The following SCN11A variants were observed in gnomAD, a reference collection of about 807,000 sequenced individuals.
SCN11A encodes sodium channel protein type 11 subunit alpha.
A neutral mutation model predicts 162.2 loss-of-function variants in SCN11A; 122 were observed. That is an observed-to-expected ratio of 0.75 (90% CI 0.65 to 0.87). SCN11A has a LOEUF of 0.87. Among genes scored for constraint, SCN11A ranks in the 40% least tolerant of loss-of-function variants. SCN11A has a pLI of 0.00. For missense variants in SCN11A, 2,015 were observed against 2,181.6 expected (o/e 0.92, Z 1.52); for synonymous variants, 758 against 751.5 (o/e 1.01, Z -0.14).
At chr3:39,050,458 A>G (rs2032310312) in intron 1 of SCN11A, among the ~76,000 whole-genome samples, 1 of 152,234 alleles carries the variant, frequency 6.6e-6, no homozygotes, top group Non-Finnish European at 1.5e-5. Context: ...TTGTTAAATG[A>G]ATGAATACAT....
chr3:38,893,131 T>C (rs572732476), intron 19 of SCN11A, among the ~76,000 whole-genome samples: 1 of 152,026 alleles, frequency 6.6e-6, no homozygotes, highest in Non-Finnish European at 1.5e-5. Flanking sequence ...CATTTTGGGT[T>C]CAAAGATATA....
At chr3:38,922,606 G>A (rs2066071249) in intron 9 of SCN11A, among the ~76,000 whole-genome samples, 1 of 152,062 alleles carries the variant, frequency 6.6e-6, no homozygotes, top group Non-Finnish European at 1.5e-5. Context: ...AAAATAAAAG[G>A]GGCTCAGCTC....
At chr3:38,893,271 G>A (rs74777140) in intron 19 of SCN11A, among the ~76,000 whole-genome samples, 1 of 151,660 alleles carries the variant, frequency 6.6e-6, no homozygotes, top group Non-Finnish European at 1.5e-5. Context: ...AGATAAAGAG[G>A]GACATTTTAT....
chr3:38,955,203 G>A (rs1163631122), intron 3 of SCN11A, among the ~76,000 whole-genome samples: 5 of 152,144 alleles, frequency 3.3e-5, no homozygotes, highest in East Asian at 3.8e-4. Flanking sequence ...CACAAGAATC[G>A]CTTGAACCAG....
At chr3:39,014,519 G>T (rs2031234233) in intron 2 of SCN11A, among the ~76,000 whole-genome samples, 1 of 152,082 alleles carries the variant, frequency 6.6e-6, no homozygotes, top group Non-Finnish European at 1.5e-5. Flanking sequence ...ATCCCAACTT[G>T]GTAAAGTATT....
At chr3:39,046,121 G>T (rs539809282) in intron 1 of SCN11A, among the ~76,000 whole-genome samples, 2 of 152,114 alleles carry the variant, frequency 1.3e-5, no homozygotes, top group African/African-American at 2.4e-5. Flanking sequence ...TTAGCTGGGC[G>T]TGGTGGCACG....
chr3:38,929,051 A>G (rs934317856), intron 7 of SCN11A, among the ~76,000 whole-genome samples: 119 of 152,260 alleles, frequency 7.8e-4, no homozygotes, highest in African/African-American at 2.6e-3. Context: ...CCTTTGCCAG[A>G]TAAGTAGACA....
chr3:38,876,698 A>G (rs1273193464), intron 23 of SCN11A, among the ~76,000 whole-genome samples: 1 of 151,950 alleles, frequency 6.6e-6, no homozygotes, highest in African/African-American at 2.4e-5. Flanking sequence ...TAATCAAAAA[A>G]TGATAGATGT....
chr3:38,981,958 C>T (rs2125590759), intron 2 of SCN11A, among the ~76,000 whole-genome samples: 1 of 151,700 alleles, frequency 6.6e-6, no homozygotes, highest in South Asian at 2.1e-4. Context: ...GAGCCAAGAT[C>T]CCAAGGTCAT....
chr3:38,854,684 G>A (rs890965746), intron 28 of SCN11A, among the ~76,000 whole-genome samples: 6 of 152,052 alleles, frequency 3.9e-5, no homozygotes, highest in Middle Eastern at 6.8e-3. Flanking sequence ...GTGAGTGAGA[G>A]GGGGGAAAAC....
At chr3:38,856,700 A>G (rs1325734046) in intron 28 of SCN11A, among the ~76,000 whole-genome samples, 1 of 152,174 alleles carries the variant, frequency 6.6e-6, no homozygotes, top group Non-Finnish European at 1.5e-5. Flanking sequence ...TCAAGTCAGT[A>G]AATAAAACAC....
Position 38,886,142 on chromosome 3 carries a change from T to C in SCN11A, c.2932A>G (p.Ile978Val), listed in dbSNP as rs1402451637. Residue 978 changes from isoleucine to valine, a missense_variant, in exon 20 of 30, where the codon ATA becomes GTA. Coordinates refer to ENST00000302328, the MANE Select transcript of SCN11A (RefSeq NM_001349253.2). ...MFSEDEPHLT[I>V]QDPRKKSDVT... ...AAAATTACCTTTCGGGGATCCTGTA[T>C]GGTCAGATGAGGCTCATCTTCAGAG... is the stretch of plus-strand genomic sequence containing the variant. The C allele has an allele frequency of 1.8e-5, 29 of 1,611,200 alleles. No individual in the cohort carries two copies. The highest frequency in any genetic ancestry group is 2.5e-5 in the Non-Finnish European group (29 of 1,178,416).
At chr3:38,948,381 G>C (rs538348490) in intron 5 of SCN11A, among the ~76,000 whole-genome samples, 35 of 152,304 alleles carry the variant, frequency 2.3e-4, no homozygotes, top group African/African-American at 7.7e-4. Context: ...ACATGCCAGG[G>C]TTTTAATGAT....
At chr3:38,905,059 CTT>C in intron 15 of SCN11A, 131 bp downstream of exon 15, 3 of 1,152,366 alleles carry the variant, frequency 2.6e-6, no homozygotes, top group Admixed American at 4.0e-5. Context: ...GGAAGTCACT[CTT>C]TGCAGGATGG....
At chr3:38,872,338 C>G (rs1559498868) in intron 23 of SCN11A, 44 bp from the exon 24 acceptor site, 2 of 1,100,722 alleles carry the variant, frequency 1.8e-6, no homozygotes, top group Non-Finnish European at 2.8e-6. Flanking sequence ...GACTTGGTGT[C>G]CAGCTGGAAA....
intron 7 of SCN11A, among the ~76,000 whole-genome samples, chr3:38,939,903 CAA>C (rs1303591941): frequency 2.4e-5 from 3 of 123,016 alleles, no homozygotes; most frequent in African/African-American, 3.0e-5. Flanking sequence ...AACCCCATCT[CAA>C]AAAAAAAAAA....
chr3:38,894,905 T>G lies in SCN11A; in HGVS notation c.2463A>C (p.Gly821=), dbSNP rs1159388555. ...LNSFSNEERN[G]NLEGEARKTK... is the part of the protein sequence containing the mutation. ...TTTTCCTGGCCTCTCCTTCTAAGTT[T>G]CCATTTCTTTCCTCATTGCTAAAGG... The change falls in exon 19 of 30, where the codon GGA becomes GGC. Residue 821 remains glycine, a synonymous_variant. Transcript: ENST00000302328. 1 of 1,614,094 alleles carries G rather than the reference T, an allele frequency of 6.2e-7. No homozygotes were observed. The highest frequency in any genetic ancestry group is 1.1e-5 in the South Asian group (1 of 91,076).
intron 1 of SCN11A, among the ~76,000 whole-genome samples, chr3:39,046,182 T>C (rs991166662): frequency 4.6e-5 from 7 of 151,802 alleles, no homozygotes; most frequent in African/African-American, 1.7e-4. Flanking sequence ...ATCACTTGAA[T>C]CTGGGAGGTG....
At position 38,847,749 on chromosome 3, in the gene SCN11A, A is replaced by G; in HGVS notation, c.4328-7T>C. 6.4e-7 allele frequency: 1 copy of G among 1,553,500 alleles called. No homozygotes were observed. ...AAGGTAGAAATCATTGTACCTCAGG[A>G]GAAGGAGAAAAGTAAATAAGTTTCC... On this transcript the variant is annotated splice_region_variant and splice_polypyrimidine_tract_variant and intron_variant, in intron 29 of 29. Transcript: ENST00000302328.
Sources: allele counts gnomAD v4.1 joint callset (sites outside exome capture counted in the v4.1 genomes callset), GRCh38; gene constraint gnomAD v4.1.1; transcripts MANE v1.5; gene names NCBI Gene and HGNC (gene_info 2026-07-23, HGNC 2026-07-21).